PLCL1: variants seen among roughly 807,000 people sequenced by gnomAD.
PLCL1 encodes phospholipase C like 1 (inactive), also known as inactive phospholipase C-like protein 1.
Under a neutral mutation model 84.4 loss-of-function variants are expected in PLCL1, and 41 were observed. That is an observed-to-expected ratio of 0.49 (90% CI 0.38 to 0.63). The LOEUF (loss-of-function observed/expected upper bound fraction) is 0.63. Ranked by LOEUF, PLCL1 falls within the 30% of genes least tolerant of loss-of-function variation. The probability of loss-of-function intolerance (pLI) is 0.00; values close to 1 mark genes in which losing one functional copy is unlikely to be tolerated. For missense variants in PLCL1, 1,206 were observed against 1,367.8 expected (o/e 0.88, Z 1.87); for synonymous variants, 490 against 488.3 (o/e 1.00, Z -0.05).
chr2:198,026,117 A>G (rs1691258204), intron 1 of PLCL1, among the ~76,000 whole-genome samples: 1 of 152,202 alleles, frequency 6.6e-6, no homozygotes, highest in Non-Finnish European at 1.5e-5. Context: ...GTGGTGGTGT[A>G]TGCATTGGTC....
At chr2:197,814,707 A>G (rs530329802) in intron 1 of PLCL1, among the ~76,000 whole-genome samples, 1 of 152,148 alleles carries the variant, frequency 6.6e-6, no homozygotes, top group Non-Finnish European at 1.5e-5. Context: ...ATGTAAGGAA[A>G]AGTGCTTGAA....
chr2:197,813,074 A>G (rs1690619646), intron 1 of PLCL1, among the ~76,000 whole-genome samples: 1 of 152,188 alleles, frequency 6.6e-6, no homozygotes, highest in South Asian at 2.1e-4. Context: ...GGAGTCAGAG[A>G]CATGGTCAGC....
intron 1 of PLCL1, among the ~76,000 whole-genome samples, chr2:197,869,135 G>C (rs1687601034): frequency 6.6e-6 from 1 of 152,078 alleles, no homozygotes; most frequent in Non-Finnish European, 1.5e-5. Context: ...AAAAATTAGA[G>C]AACAACTTAG....
Position 198,057,605 on chromosome 2 carries a change from C to T in PLCL1, c.241-26153C>T, listed in dbSNP as rs1475237907. ...AAGATGTATATTTATAATTTGTGTACTTTTCTGTATATATGCTCACTTCAA... is the reference window on the plus strand; with the variant it reads ...AAGATGTATATTTATAATTTGTGTATTTTTCTGTATATATGCTCACTTCAA... On this transcript the variant is annotated intron_variant, in intron 1 of 5. Transcript: ENST00000428675. Among the ~76,000 whole-genome samples, 3 of 152,114 alleles carry T rather than the reference C, an allele frequency of 2.0e-5. No individual in the cohort carries two copies. The East Asian group carries it at 5.8e-4, about 29-fold the overall frequency.
In PLCL1 at chr2:197,804,833, C is replaced by T; in HGVS notation, c.-267C>T. ...CTTTTTCGCCTCTCCTTCTGCCTCC[C>T]GCTCACATCGCCTCCCCACTCCCGC... On this transcript the variant is annotated 5_prime_UTR_variant, in exon 1 of 6. Coordinates refer to ENST00000428675, the MANE Select transcript of PLCL1 (RefSeq NM_006226.4). The T allele has an allele frequency of 5.2e-6, 2 of 385,994 alleles. No individual in the cohort carries two copies. The highest frequency in any genetic ancestry group is 1.3e-4 in the South Asian group (2 of 15,600). The allele number at this position is 385,994 out of a possible 1,614,324, so 23.9% of individuals were successfully genotyped here.
chr2:198,123,073 G>A (rs1292717817), intron 5 of PLCL1, among the ~76,000 whole-genome samples: 4 of 152,044 alleles, frequency 2.6e-5, no homozygotes, highest in Admixed American at 2.6e-4. Context: ...TACAATGAAT[G>A]AAAAAGCTCA....
intron 1 of PLCL1, among the ~76,000 whole-genome samples, chr2:197,990,669 G>A (rs983188034): frequency 6.6e-6 from 1 of 152,132 alleles, no homozygotes; most frequent in African/African-American, 2.4e-5. Context: ...CTTCCACAGA[G>A]TCCCTCCCAT....
At chr2:197,905,213 A>G (rs1012177940) in intron 1 of PLCL1, among the ~76,000 whole-genome samples, 6 of 152,198 alleles carry the variant, frequency 3.9e-5, no homozygotes, top group African/African-American at 9.7e-5. Flanking sequence ...CCCCACATGC[A>G]TTAGGTATTT....
At chr2:197,845,664 C>G (rs530320824) in intron 1 of PLCL1, among the ~76,000 whole-genome samples, 1 of 152,242 alleles carries the variant, frequency 6.6e-6, no homozygotes, top group South Asian at 2.1e-4. Context: ...TCCTAAAACT[C>G]TGATTACCTT....
At chr2:197,850,779 A>T (rs1687219417) in intron 1 of PLCL1, among the ~76,000 whole-genome samples, 1 of 152,134 alleles carries the variant, frequency 6.6e-6, no homozygotes, top group Admixed American at 6.5e-5. Flanking sequence ...AGCTGGAGAC[A>T]TTTGAGATTC....
chr2:197,860,968 T>C (rs1687421725), intron 1 of PLCL1, among the ~76,000 whole-genome samples: 1 of 152,274 alleles, frequency 6.6e-6, no homozygotes, highest in Admixed American at 6.5e-5. Flanking sequence ...AATGGTATTG[T>C]CTAGATTGGG....
intron 1 of PLCL1, among the ~76,000 whole-genome samples, chr2:197,849,637 G>A (rs1687188037): frequency 6.6e-6 from 1 of 151,704 alleles, no homozygotes. Flanking sequence ...AATGTAAAAG[G>A]AGAATGGCAT....
intron 1 of PLCL1, among the ~76,000 whole-genome samples, chr2:197,807,010 G>A (rs1690499937): frequency 6.6e-6 from 1 of 152,054 alleles, no homozygotes; most frequent in South Asian, 2.1e-4. Context: ...CAAAAAAGGA[G>A]GGAGACAACA....
intron 1 of PLCL1, among the ~76,000 whole-genome samples, chr2:197,877,531 G>C (rs1184844081): frequency 6.6e-6 from 1 of 152,004 alleles, no homozygotes; most frequent in Admixed American, 6.6e-5. Context: ...CCTAATGATG[G>C]AAAGGAAAAA....
At chr2:198,043,878 G>GATCTT (rs1691724852) in intron 1 of PLCL1, among the ~76,000 whole-genome samples, 1 of 76,124 alleles carries the variant, frequency 1.3e-5, no homozygotes, top group Non-Finnish European at 3.0e-5. Context: ...TTTAATTCTT[G>GATCTT]TTCTTTTTTT....
intron 1 of PLCL1, among the ~76,000 whole-genome samples, chr2:197,897,140 T>C (rs556075634): frequency 1.1e-3 from 34 of 30,546 alleles, no homozygotes; most frequent in African/African-American, 5.2e-3. Context: ...TTCTTCTTCT[T>C]CTTCTTCTTC....
intron 5 of PLCL1, among the ~76,000 whole-genome samples, chr2:198,110,380 G>A (rs1465240604): frequency 6.6e-6 from 1 of 151,902 alleles, no homozygotes; most frequent in Non-Finnish European, 1.5e-5. Flanking sequence ...TCCGTGTGTA[G>A]TTATGTTTCT....
At chr2:197,873,640 T>C (rs1687687532) in intron 1 of PLCL1, among the ~76,000 whole-genome samples, 2 of 152,180 alleles carry the variant, frequency 1.3e-5, no homozygotes, top group Admixed American at 1.3e-4. Context: ...CCATACGGTC[T>C]ACAATGTCAT....
chr2:198,059,817 T>C (rs932763600), intron 1 of PLCL1, among the ~76,000 whole-genome samples: 5 of 151,894 alleles, frequency 3.3e-5, no homozygotes, highest in African/African-American at 9.7e-5. Flanking sequence ...GCAAACAGAG[T>C]AGGAAAGAGA....
Sources: gnomAD v4.1 joint callset for allele counts (sites outside exome capture counted in the v4.1 genomes callset) on GRCh38, gnomAD v4.1.1 for gene constraint, MANE v1.5 for transcripts, NCBI Gene and HGNC (gene_info 2026-07-23, HGNC 2026-07-21) for gene names.